TRIM2: variants seen among roughly 807,000 people sequenced by gnomAD.
TRIM2 encodes tripartite motif-containing protein 2.
TRIM2 carries 20 observed loss-of-function variants against 75.2 expected under a neutral mutation model. The observed-to-expected ratio is 0.27, with a 90% CI of 0.19 to 0.39. TRIM2 has a LOEUF of 0.39. Ranked by LOEUF, TRIM2 falls within the 10% of genes least tolerant of loss-of-function variation. The pLI, the probability that TRIM2 is intolerant of heterozygous loss-of-function variation, is 1.00. For missense variants in TRIM2, 660 were observed against 990.8 expected, an observed-to-expected ratio of 0.67 and a Z score of 4.48; for synonymous variants, 373 against 388.3, an observed-to-expected ratio of 0.96 and a Z score of 0.46.
chr4:153,243,349 G>T (rs530084967), intron 1 of TRIM2, among the ~76,000 whole-genome samples: 1 of 152,346 alleles, frequency 6.6e-6, no homozygotes, highest in African/African-American at 2.4e-5. Context: ...TCTTTTCGTT[G>T]AGAGAGTACC....
intron 11 of TRIM2, among the ~76,000 whole-genome samples, chr4:153,334,532 C>A (rs1478030062): frequency 6.6e-6 from 1 of 151,778 alleles, no homozygotes; most frequent in Non-Finnish European, 1.5e-5. Context: ...CTGGCTTATG[C>A]TAATGTTTTA....
chr4:153,333,785 C>T (rs1421590716), intron 11 of TRIM2, among the ~76,000 whole-genome samples: 11 of 151,958 alleles, frequency 7.2e-5, no homozygotes, highest in Non-Finnish European at 2.9e-5. Flanking sequence ...ATATTATTTA[C>T]ATTATATAGC....
intron 3 of TRIM2, among the ~76,000 whole-genome samples, chr4:153,289,958 T>C (rs1332350981): frequency 6.6e-6 from 1 of 152,228 alleles, no homozygotes; most frequent in Non-Finnish European, 1.5e-5. Flanking sequence ...CTCTGGTACA[T>C]GTGACTGGCA....
At chr4:153,205,007 CTG>C (rs1170033803) in intron 1 of TRIM2, among the ~76,000 whole-genome samples, 2 of 152,302 alleles carry the variant, frequency 1.3e-5, no homozygotes, top group South Asian at 2.1e-4. Context: ...AAAGGGCAAA[CTG>C]TAGTAGTCTT....
chr4:153,335,149 C>T lies in TRIM2; in HGVS notation c.*183C>T. The T allele has an allele frequency of 7.8e-7, 1 of 1,279,090 alleles. No individual in the cohort carries two copies. The highest frequency in any genetic ancestry group is 1.5e-5 in the African/African-American group (1 of 66,458). 79.2% of individuals were successfully genotyped at this position (1,279,090 alleles called of 1,614,324 possible). A position where few individuals can be genotyped will look rare whatever the true frequency, so the allele number is the denominator to read the frequency against. ...GACTTATCCAATTTCTGTATTTCAC[C>T]TTTAGGGTTAAAAAAAACTCTTCTA... On this transcript the variant is annotated 3_prime_UTR_variant, in exon 12 of 12. Coordinates refer to ENST00000338700, the MANE Select transcript of TRIM2 (RefSeq NM_015271.5).
chr4:153,330,389 T>A (rs991109685), intron 11 of TRIM2, among the ~76,000 whole-genome samples: 1 of 152,158 alleles, frequency 6.6e-6, no homozygotes, highest in Non-Finnish European at 1.5e-5. Context: ...ATATTCCTCC[T>A]GTGTGTAAAA....
Position 153,336,292 on chromosome 4 carries a change from A to G in TRIM2, c.*1326A>G. 2 of 984,274 alleles carry G rather than the reference A, an allele frequency of 2.0e-6. No homozygotes were observed. The highest frequency in any genetic ancestry group is 2.4e-6 in the Non-Finnish European group (2 of 829,656). 61.0% of individuals were successfully genotyped at this position (984,274 alleles called of 1,614,324 possible). ...CCCTAAAGCAGATTTAATTTTTGCC[A>G]TTTTCCAAGAATGACGGTGGTGGCT... On this transcript the variant is annotated 3_prime_UTR_variant, in exon 12 of 12. Coordinates refer to ENST00000338700, the MANE Select transcript of TRIM2 (RefSeq NM_015271.5).
At chr4:153,193,938 T>G (rs988093687) in intron 1 of TRIM2, among the ~76,000 whole-genome samples, 1 of 151,972 alleles carries the variant, frequency 6.6e-6, no homozygotes, top group African/African-American at 2.4e-5. Context: ...AGAACAGGGA[T>G]GCGGGGCCCC....
intron 1 of TRIM2, among the ~76,000 whole-genome samples, chr4:153,237,215 A>G (rs1745264119): frequency 1.3e-5 from 2 of 152,120 alleles, no homozygotes; most frequent in Non-Finnish European, 2.9e-5. Flanking sequence ...ATGCAATTGG[A>G]GCTGGAGTTG....
In TRIM2 at chr4:153,337,295, A is replaced by G. The variant is rs538755865; in HGVS notation, c.*2329A>G. The G allele has an allele frequency of 2.7e-5, 27 of 985,846 alleles. No homozygotes were observed. In the South Asian group the frequency reaches 1.2e-3, roughly 43 times the overall value. The allele number at this position is 985,846 out of a possible 1,614,324, so 61.1% of individuals were successfully genotyped here. On this transcript the variant is annotated 3_prime_UTR_variant, in exon 12 of 12. Coordinates refer to ENST00000338700, the MANE Select transcript of TRIM2 (RefSeq NM_015271.5). ...AGTTTTTTTGCACAACATTTCAATT[A>G]TATTTGTGAACTTAGAAATTAACTT...
At chr4:153,278,073 C>A (rs1758420048) in intron 3 of TRIM2, among the ~76,000 whole-genome samples, 1 of 152,106 alleles carries the variant, frequency 6.6e-6, no homozygotes, top group Admixed American at 6.6e-5. Context: ...GTCTTAGAAA[C>A]ATTAGGTTGT....
Position 153,336,886 on chromosome 4 carries a change from C to A in TRIM2, c.*1920C>A. The A allele has an allele frequency of 1.0e-6, 1 of 984,756 alleles. No individual in the cohort carries two copies. Among genetic ancestry groups the A allele is most frequent in the Non-Finnish European group, 1.2e-6 (1 of 829,082 alleles). The allele number at this position is 984,756 out of a possible 1,614,324, so 61.0% of individuals were successfully genotyped here. On this transcript the variant is annotated 3_prime_UTR_variant, in exon 12 of 12. Coordinates refer to ENST00000338700, the MANE Select transcript of TRIM2 (RefSeq NM_015271.5). ...ATACTTGAGCCTGTCCGTGATAAAG[C>A]TATAAAATTCAATAACTTTTTAGAA...
Position 153,335,037 on chromosome 4 carries a change from C to T in TRIM2, c.*71C>T. ...TGGAATGGATTTCTCAATGCGGGAC[C>T]AGATTATGACTAGAGTTTTTATGCC... On this transcript the variant is annotated 3_prime_UTR_variant, in exon 12 of 12. Coordinates refer to ENST00000338700, the MANE Select transcript of TRIM2 (RefSeq NM_015271.5). The T allele has an allele frequency of 7.1e-7, 1 of 1,409,680 alleles. No individual in the cohort carries two copies. 87.3% of individuals were successfully genotyped at this position (1,409,680 alleles called of 1,614,324 possible). A position where few individuals can be genotyped will look rare whatever the true frequency, so the allele number is the denominator to read the frequency against.
At chr4:153,272,710 A>G (rs553714895) in intron 2 of TRIM2, among the ~76,000 whole-genome samples, 1 of 152,190 alleles carries the variant, frequency 6.6e-6, no homozygotes, top group East Asian at 1.9e-4. Context: ...AGCGCAAGCA[A>G]TCCAACTACC....
intron 1 of TRIM2, among the ~76,000 whole-genome samples, chr4:153,260,420 G>A (rs1753113338): frequency 6.6e-6 from 1 of 152,008 alleles, no homozygotes; most frequent in South Asian, 2.1e-4. Flanking sequence ...CCAAAGGTGA[G>A]GCAATGGCCT....
upstream of TRIM2, among the ~76,000 whole-genome samples, chr4:153,200,506 G>A (rs904927387): frequency 5.3e-5 from 8 of 152,024 alleles, no homozygotes; most frequent in African/African-American, 1.4e-4. Flanking sequence ...GGATGTACAC[G>A]TATTTGTTTG....
chr4:153,326,762 C>T (rs927665430), intron 10 of TRIM2, among the ~76,000 whole-genome samples: 2 of 152,176 alleles, frequency 1.3e-5, no homozygotes, highest in African/African-American at 4.8e-5. Context: ...GGACAGCTCA[C>T]CTGAGGTCAG....
chr4:153,244,357 CTT>C (rs1748109035), intron 1 of TRIM2, among the ~76,000 whole-genome samples: 3 of 21,228 alleles, frequency 1.4e-4, no homozygotes, highest in South Asian at 5.3e-3. Context: ...TCTTCTTCCT[CTT>C]CTTCTTCTTC....
At chr4:153,231,410 T>C (rs543936163) in intron 1 of TRIM2, among the ~76,000 whole-genome samples, 7 of 152,146 alleles carry the variant, frequency 4.6e-5, no homozygotes, top group African/African-American at 1.7e-4. Flanking sequence ...AAGTTAGAAC[T>C]TAAAGAATGT....
Sources: gnomAD v4.1 joint callset for allele counts (sites outside exome capture counted in the v4.1 genomes callset) on GRCh38, gnomAD v4.1.1 for gene constraint, MANE v1.5 for transcripts, NCBI Gene and HGNC (gene_info 2026-07-23, HGNC 2026-07-21) for gene names.